Variants in ZNF236 observed in about 807,000 individuals in gnomAD.
ZNF236 encodes the protein zinc finger protein 236.
A neutral mutation model predicts 191.2 loss-of-function variants in ZNF236; 50 were observed. The ratio of observed to expected loss-of-function variants is 0.26; its 90% CI spans 0.21 to 0.33. ZNF236 has a LOEUF of 0.33. ZNF236 is among the 10% of genes least tolerant of loss of function. ZNF236 has a pLI of 1.00. For missense variants in ZNF236, 1,754 were observed against 2,374.5 expected (o/e 0.74, Z 5.43); for synonymous variants, 907 against 928.8 (o/e 0.98, Z 0.43).
At chr18:76,966,987 GT>G (rs1362071018) in intron 30 of ZNF236, among the ~76,000 whole-genome samples, 1 of 152,240 alleles carries the variant, frequency 6.6e-6, no homozygotes, top group Non-Finnish European at 1.5e-5. Flanking sequence ...TGTGAGATCT[GT>G]GGTTTGTTTG....
intron 6 of ZNF236, among the ~76,000 whole-genome samples, chr18:76,876,918 C>A (rs1256043287): frequency 6.6e-6 from 1 of 152,142 alleles, no homozygotes; most frequent in African/African-American, 2.4e-5. Flanking sequence ...GAAGTGCTCT[C>A]GGACCTGCAC....
In ZNF236 at chr18:76,849,685, G is replaced by A. The variant is rs750241311; in HGVS notation, c.198+17G>A. ...AATGACAAGGTATGTATTTTCAAAG[G>A]TGATGTCAGGAATGTGAGCGTTGAA... is the stretch of plus-strand genomic sequence containing the variant. On this transcript the variant is annotated intron_variant, in intron 2 of 30. Coordinates refer to ENST00000320610, the MANE Select transcript of ZNF236 (RefSeq NM_001306089.2). The A allele has an allele frequency of 1.1e-5, 17 of 1,525,848 alleles. No individual in the cohort carries two copies. The East Asian group carries it at 3.6e-4, about 33-fold the overall frequency. 94.5% of individuals were successfully genotyped at this position (1,525,848 alleles called of 1,614,324 possible).
chr18:76,955,442 A>C (rs1363955055), intron 27 of ZNF236, among the ~76,000 whole-genome samples: 1 of 152,186 alleles, frequency 6.6e-6, no homozygotes, highest in Non-Finnish European at 1.5e-5. Context: ...AAATTTTAAA[A>C]ATGATTTTTT....
intron 20 of ZNF236, among the ~76,000 whole-genome samples, chr18:76,921,605 G>T (rs1967534305): frequency 6.6e-6 from 1 of 152,138 alleles, no homozygotes; most frequent in Non-Finnish European, 1.5e-5. Context: ...GAGGTGTTGA[G>T]ACAGCAGTTT....
rs1368305397 is a variant in ZNF236, at chr18:76,910,834, A to G, written c.2805+23A>G. On this transcript the variant is annotated intron_variant, in intron 16 of 30. Coordinates refer to ENST00000320610, the MANE Select transcript of ZNF236 (RefSeq NM_001306089.2). ...GTAGTGAGTATGGACAGAGGGGTGC[A>G]TACATGGCAGTATTTAGCAGGTGCT... 1.9e-6 allele frequency: 3 copies of G among 1,612,266 alleles called. No individual in the cohort carries two copies. The African/African-American group carries it at 4.0e-5, about 22-fold the overall frequency.
chr18:76,852,435 T>G (rs1004993558), intron 3 of ZNF236, among the ~76,000 whole-genome samples: 13 of 152,174 alleles, frequency 8.5e-5, no homozygotes, highest in Admixed American at 3.3e-4. Flanking sequence ...CTGGGACAGC[T>G]TTGAGGATGA....
In ZNF236 at chr18:76,961,691, G is replaced by A. The variant is rs573260467; in HGVS notation, c.5419+836G>A. 3.3e-5 allele frequency among the ~76,000 whole-genome samples: 5 copies of A among 151,666 alleles called. No individual in the cohort carries two copies. The East Asian group carries it at 7.8e-4, about 24-fold the overall frequency. ...TTACATTCCCACTAGCAGTGTGGAA[G>A]TATTCCCTGTTCACCACATCCATGC... On this transcript the variant is annotated intron_variant, in intron 30 of 30. Coordinates refer to ENST00000320610, the MANE Select transcript of ZNF236 (RefSeq NM_001306089.2).
At chr18:76,936,239 A>G (rs1036607828) in intron 25 of ZNF236, 2 of 445,218 alleles carry the variant, frequency 4.5e-6, no homozygotes, top group African/African-American at 4.0e-5. Context: ...CAACTGGCAC[A>G]GTGGCTGGCA....
Position 76,960,713 on chromosome 18 carries a change from A to C in ZNF236, c.5277A>C (p.Lys1759Asn). 1 of 1,614,192 alleles carries C rather than the reference A, an allele frequency of 6.2e-7. No homozygotes were observed. Among genetic ancestry groups the C allele is most frequent in the Non-Finnish European group, 8.5e-7 (1 of 1,180,024 alleles). Residue 1759 changes from lysine to asparagine, a missense_variant, in exon 30 of 31, where the codon AAA becomes AAC. By Grantham distance (94) the Lys-to-Asn change is moderately conservative (BLOSUM62 0). Coordinates refer to ENST00000320610, the MANE Select transcript of ZNF236 (RefSeq NM_001306089.2). The surrounding 1 kb of genome is among the most constrained non-coding windows in gnomAD (Gnocchi z 4.4). Reference protein sequence around the residue: ...ERPFHCTLCEKAFNQKSALQV... With the variant: ...ERPFHCTLCENAFNQKSALQV... ...CGTTCCATTGCACGCTTTGTGAGAA[A>C]GCCTTCAACCAGAAGAGTGCGCTGC...
intron 21 of ZNF236, among the ~76,000 whole-genome samples, chr18:76,923,728 A>G (rs1340708224): frequency 1.3e-5 from 2 of 152,048 alleles, no homozygotes; most frequent in African/African-American, 2.4e-5. Context: ...TCCTCCTGTG[A>G]GCTCTGTGGT....
At chr18:76,922,223 G>T (rs550304002) in intron 20 of ZNF236, among the ~76,000 whole-genome samples, 1 of 152,142 alleles carries the variant, frequency 6.6e-6, no homozygotes, top group South Asian at 2.1e-4. Flanking sequence ...CTGGCAGGGC[G>T]CTGTGGTGAC....
chr18:76,889,970 G>A (rs1286727512), intron 9 of ZNF236, among the ~76,000 whole-genome samples: 2 of 152,162 alleles, frequency 1.3e-5, no homozygotes, highest in African/African-American at 4.8e-5. Context: ...CAAAATGCTT[G>A]AATAGTGTTT....
At chr18:76,873,970 G>A (rs1313761811) in intron 5 of ZNF236, among the ~76,000 whole-genome samples, 1 of 121,342 alleles carries the variant, frequency 8.2e-6, no homozygotes, top group African/African-American at 3.3e-5. Context: ...CTCCTCTCCT[G>A]TCGCCACACA....
chr18:76,928,709 C>T (rs984989769), intron 25 of ZNF236, among the ~76,000 whole-genome samples: 4 of 152,102 alleles, frequency 2.6e-5, no homozygotes, highest in Non-Finnish European at 4.4e-5. Context: ...GTGTGCCTTC[C>T]TTGGTCCTTA....
intron 11 of ZNF236, 43 bp downstream of exon 11, chr18:76,899,265 A>C (rs777448110): frequency 7.8e-6 from 12 of 1,529,042 alleles, no homozygotes; most frequent in Non-Finnish European, 1.1e-5. Context: ...ATTGAGTACT[A>C]TTTTCTTTGA....
chr18:76,837,947 G>T (rs1446393088), intron 1 of ZNF236, among the ~76,000 whole-genome samples: 1 of 152,198 alleles, frequency 6.6e-6, no homozygotes, highest in African/African-American at 2.4e-5. Context: ...CATTAAAATG[G>T]ATAGATAGCC....
At chr18:76,911,173 A>C (rs980559855) in intron 16 of ZNF236, among the ~76,000 whole-genome samples, 1 of 152,236 alleles carries the variant, frequency 6.6e-6, no homozygotes, top group Non-Finnish European at 1.5e-5. Flanking sequence ...TAGAAGGAAA[A>C]TATAATGAAT....
Position 76,919,688 on chromosome 18 carries a change from A to G in ZNF236, c.3275-88A>G. The G allele has an allele frequency of 1.4e-6, 2 of 1,450,920 alleles. No homozygotes were observed. Among genetic ancestry groups the G allele is most frequent in the Non-Finnish European group, 1.9e-6 (2 of 1,055,196 alleles). The allele number at this position is 1,450,920 out of a possible 1,614,324, so 89.9% of individuals were successfully genotyped here. ...TGGTTGAGTTATTAATTTTCATTAC[A>G]TACATACCTATTTAGTTTTAATTGT... On this transcript the variant is annotated intron_variant, in intron 19 of 30. Coordinates refer to ENST00000320610, the MANE Select transcript of ZNF236 (RefSeq NM_001306089.2). This position sits in a 1 kb window ranked among gnomAD's most constrained non-coding sequence, Gnocchi z 5.3.
intron 10 of ZNF236, among the ~76,000 whole-genome samples, chr18:76,895,528 C>T (rs1977379119): frequency 6.6e-6 from 1 of 151,868 alleles, no homozygotes; most frequent in Non-Finnish European, 1.5e-5. Context: ...AGATACCGCA[C>T]ACAGTACCCA....
Sources: allele counts gnomAD v4.1 joint callset (sites outside exome capture counted in the v4.1 genomes callset), GRCh38; gene constraint gnomAD v4.1.1; non-coding constraint Gnocchi (gnomAD v3.1); transcripts MANE v1.5; gene names NCBI Gene and HGNC (gene_info 2026-07-23, HGNC 2026-07-21).